The following KLRG2 variants were observed in gnomAD, a reference collection of about 807,000 sequenced individuals.
The protein encoded by KLRG2 is killer cell lectin like receptor G2.
A neutral mutation model predicts 35.4 loss-of-function variants in KLRG2; 39 were observed. The observed-to-expected ratio is 1.10, with a 90% confidence interval of 0.85 to 1.44. The LOEUF (loss-of-function observed/expected upper bound fraction) is 1.44. KLRG2 is among the 40% of genes most tolerant of loss of function. The pLI, the probability that KLRG2 is intolerant of heterozygous loss-of-function variation, is 0.00. For synonymous variants in KLRG2, 283 were observed against 265.8 expected (o/e 1.06, Z -0.63); for missense variants, 632 against 570.9 (o/e 1.11, Z -1.09).
At chr7:139,469,379 T>A (rs111854196) in intron 3 of KLRG2, among the ~76,000 whole-genome samples, 15,330 of 151,832 alleles carry the variant, frequency 0.1, 810 homozygotes, top group Non-Finnish European at 0.12. Flanking sequence ...AGGCTGGTCT[T>A]GAACTCCTGA....
the KLRG2 span, among the ~76,000 whole-genome samples, chr7:139,445,795 G>GTATA: frequency 1.1e-5 from 1 of 92,116 alleles, no homozygotes; most frequent in African/African-American, 8.7e-5. Context: ...ATATATATGT[G>GTATA]TGTATATATA....
chr7:139,459,658 C>A (rs1441475435), intron 3 of KLRG2, among the ~76,000 whole-genome samples: 2 of 152,224 alleles, frequency 1.3e-5, no homozygotes, highest in Admixed American at 6.5e-5. Context: ...TGGCATATTC[C>A]CCCATTCACA....
At position 139,454,640 on chromosome 7, in the gene KLRG2, AC is replaced by A. The variant is rs551827777; in HGVS notation, c.1006-427del. On this transcript the variant is annotated intron_variant, in intron 3 of 4. Transcript: ENST00000340940. ...AGACCGGCCTGTCCAACATAGTGAA[AC>A]CCCGTTTCTATTAAAAAAAAAAAAA... Among the ~76,000 whole-genome samples, 398 of 146,364 alleles carry A rather than the reference AC, an allele frequency of 2.7e-3. 2 individuals carry two copies. Among genetic ancestry groups the A allele is most frequent in the African/African-American group, 9.7e-3 (377 of 38,890 alleles).
chr7:139,483,234 C>A lies in KLRG2; in HGVS notation c.409G>T (p.Gly137Cys), dbSNP rs867665106. The change falls in exon 1 of 5, where the codon GGT becomes TGT. Residue 137 changes from glycine to cysteine, a missense_variant. Coordinates refer to ENST00000340940, the MANE Select transcript of KLRG2 (RefSeq NM_198508.4). ...CTGGGCGATGGCGTGCTGCTGCCAC[C>A]GGCCGCGCCCACGGGCTTCACGCGC... ...DVRVKPVGAAGGSSTPSPRPS... is the reference protein window; with the variant it reads ...DVRVKPVGAACGSSTPSPRPS... The A allele has an allele frequency of 6.5e-7, 1 of 1,539,462 alleles. No homozygotes were observed.
the KLRG2 span, among the ~76,000 whole-genome samples, chr7:139,429,036 G>T: frequency 1.3e-5 from 2 of 152,142 alleles, no homozygotes; most frequent in Non-Finnish European, 2.9e-5. Flanking sequence ...ATCACTTTAG[G>T]CCAGGCGTGG....
chr7:139,468,244 T>C (rs910856741), intron 3 of KLRG2, among the ~76,000 whole-genome samples: 3 of 152,150 alleles, frequency 2.0e-5, no homozygotes, highest in Non-Finnish European at 2.9e-5. Flanking sequence ...CTCTATATGC[T>C]GAACGCTGGT....
In KLRG2 at chr7:139,453,065, G is replaced by C; in HGVS notation, c.*522C>G. 6.2e-6 allele frequency: 1 copy of C among 160,822 alleles called. No individual in the cohort carries two copies. Among genetic ancestry groups the C allele is most frequent in the Non-Finnish European group, 1.3e-5 (1 of 74,438 alleles). The allele number at this position is 160,822 out of a possible 1,614,324, so 10.0% of individuals were successfully genotyped here. A position where few individuals can be genotyped will look rare whatever the true frequency, so the allele number is the denominator to read the frequency against. ...CTCTCCCCTCTTTCCAGGGCTGACC[G>C]CTCCTTTTCCTTGGTTAATTTTCCA... is the stretch of plus-strand genomic sequence containing the variant. On this transcript the variant is annotated 3_prime_UTR_variant, in exon 5 of 5. Transcript: ENST00000340940.
chr7:139,428,822 G>A, the KLRG2 span, among the ~76,000 whole-genome samples: 1 of 151,880 alleles, frequency 6.6e-6, no homozygotes, highest in Non-Finnish European at 1.5e-5. Flanking sequence ...TAGGAGATAA[G>A]TGCTAAAGTA....
the KLRG2 span, among the ~76,000 whole-genome samples, chr7:139,444,679 A>G: frequency 2.6e-5 from 4 of 152,200 alleles, no homozygotes; most frequent in South Asian, 8.3e-4. Flanking sequence ...CTGGAAGAAA[A>G]TACATTTCTG....
the KLRG2 span, among the ~76,000 whole-genome samples, chr7:139,440,158 G>A: frequency 6.6e-6 from 1 of 152,134 alleles, no homozygotes; most frequent in Non-Finnish European, 1.5e-5. Flanking sequence ...CGCCCAGGCT[G>A]GAGTGCAGTG....
At chr7:139,465,273 T>G (rs931849437) in intron 3 of KLRG2, among the ~76,000 whole-genome samples, 4 of 152,238 alleles carry the variant, frequency 2.6e-5, no homozygotes, top group Non-Finnish European at 5.9e-5. Flanking sequence ...ACTTTAAATA[T>G]GCCTTCCATA....
At position 139,480,120 on chromosome 7, in the gene KLRG2, G is replaced by A. The variant is rs202014824; in HGVS notation, c.859+26C>T. 31 of 1,454,984 alleles carry A rather than the reference G, an allele frequency of 2.1e-5. No homozygotes were observed. In the Admixed American group the frequency reaches 4.3e-4, roughly 20 times the overall value. The allele number at this position is 1,454,984 out of a possible 1,614,324, so 90.1% of individuals were successfully genotyped here. On this transcript the variant is annotated intron_variant, in intron 2 of 4. Coordinates refer to ENST00000340940, the MANE Select transcript of KLRG2 (RefSeq NM_198508.4). ...CCAGTAGTGGAGCGGCAGGGAGAGG[G>A]GATGGGGACTGCAGGGACACCATAC...
At chr7:139,449,923 G>C (rs565918918), downstream of KLRG2, among the ~76,000 whole-genome samples, 2 of 151,250 alleles carry the variant, frequency 1.3e-5, no homozygotes, top group Non-Finnish European at 1.5e-5. Context: ...GGATGGTCTC[G>C]ATCTCCTGAC....
downstream of KLRG2, among the ~76,000 whole-genome samples, chr7:139,451,671 T>G (rs188398255): frequency 6.6e-6 from 1 of 152,172 alleles, no homozygotes; most frequent in African/African-American, 2.4e-5. Context: ...ATGGAAAGAA[T>G]GCGGCCTTTG....
At position 139,471,589 on chromosome 7, in the gene KLRG2, A is replaced by G. The variant is rs536880683; in HGVS notation, c.1005+8038T>C. 1.5e-3 allele frequency among the ~76,000 whole-genome samples: 225 copies of G among 152,096 alleles called. 1 individual carries two copies. The highest frequency in any genetic ancestry group is 4.7e-4 in the Non-Finnish European group (32 of 67,978). ...GATGGGAGGATCACTTGAACCTGGG[A>G]GATGGTGGTTGCAGTGAGCCGAGAT... On this transcript the variant is annotated intron_variant, in intron 3 of 4. Transcript: ENST00000340940.
At chr7:139,454,819 AAATAATAAT>A (rs34409730) in intron 3 of KLRG2, among the ~76,000 whole-genome samples, 5,501 of 140,492 alleles carry the variant, frequency 0.039, 163 homozygotes, top group Non-Finnish European at 0.055. Context: ...TTCTATCTCA[AAATAATAAT>A]AATAATAATA....
chr7:139,431,603 G>A, the KLRG2 span, among the ~76,000 whole-genome samples: 2 of 152,128 alleles, frequency 1.3e-5, no homozygotes, highest in African/African-American at 4.8e-5. Context: ...TCTGTGGCCT[G>A]CGATCCGCTA....
chr7:139,462,255 T>C (rs1796581366), intron 3 of KLRG2, among the ~76,000 whole-genome samples: 1 of 152,130 alleles, frequency 6.6e-6, no homozygotes, highest in Admixed American at 6.5e-5. Flanking sequence ...AGGTGTCTGA[T>C]CACACAGGGA....
the KLRG2 span, among the ~76,000 whole-genome samples, chr7:139,440,411 CTTTTTT>C: frequency 1.7e-4 from 7 of 40,508 alleles, no homozygotes; most frequent in African/African-American, 1.0e-3. Context: ...CCACACCTGG[CTTTTTT>C]TTTTTTTTTT....
Sources: allele counts gnomAD v4.1 joint callset (sites outside exome capture counted in the v4.1 genomes callset), GRCh38; gene constraint gnomAD v4.1.1; transcripts MANE v1.5; gene names NCBI Gene and HGNC (gene_info 2026-07-23, HGNC 2026-07-21).